The following ARMC10 variants were observed in gnomAD, a reference collection of about 807,000 sequenced individuals.
The protein encoded by ARMC10 is armadillo repeat-containing protein 10.
Under a neutral mutation model 30.2 loss-of-function variants are expected in ARMC10, and 23 were observed. The observed-to-expected ratio is 0.76, with a 90% CI of 0.55 to 1.08. ARMC10 has a LOEUF of 1.08. Ranked by LOEUF, ARMC10 falls within the 50% of genes least tolerant of loss-of-function variation. The pLI is 0.00. For missense variants in ARMC10, 303 were observed against 413.7 expected, an observed-to-expected ratio of 0.73 and a Z score of 2.32; for synonymous variants, 111 against 164.4, an observed-to-expected ratio of 0.68 and a Z score of 2.48.
chr7:103,091,957 AT>A (rs1801374352), intron 4 of ARMC10, among the ~76,000 whole-genome samples: 1 of 152,228 alleles, frequency 6.6e-6, no homozygotes, highest in Admixed American at 6.5e-5. Context: ...AGTGAGGAGT[AT>A]TTGTAAAATG....
chr7:103,076,990 A>G (rs1799932349), intron 2 of ARMC10, among the ~76,000 whole-genome samples: 1 of 152,110 alleles, frequency 6.6e-6, no homozygotes. Context: ...TGCAGCCTCC[A>G]CTTCCCTGGG....
At chr7:103,093,904 TTTTTG>T (rs1191562246) in intron 5 of ARMC10, among the ~76,000 whole-genome samples, 2 of 152,240 alleles carry the variant, frequency 1.3e-5, no homozygotes, top group African/African-American at 2.4e-5. Flanking sequence ...GTATGTTCTA[TTTTTG>T]TTTTGTTGTG....
chr7:103,079,584 T>C (rs961760482), intron 2 of ARMC10, among the ~76,000 whole-genome samples: 2 of 152,156 alleles, frequency 1.3e-5, no homozygotes, highest in East Asian at 1.9e-4. Context: ...TGCATAAATA[T>C]TGGAGGCAGA....
At chr7:103,095,963 T>C (rs867198822) in intron 5 of ARMC10, 10 of 151,736 alleles carry the variant, frequency 6.6e-5, no homozygotes, top group African/African-American at 2.4e-4. Context: ...AGGGATAGCA[T>C]TGGGAGATAT....
chr7:103,085,606 CTTTTTTTTTTTT>C (rs10581217), intron 3 of ARMC10, among the ~76,000 whole-genome samples: 1 of 130,586 alleles, frequency 7.7e-6, no homozygotes, highest in East Asian at 2.2e-4. Flanking sequence ...CATTTCTCTT[CTTTTTTTTTTTT>C]TTTTTTTTCT....
chr7:103,085,032 C>G (rs1240855797), intron 3 of ARMC10, among the ~76,000 whole-genome samples: 2 of 152,182 alleles, frequency 1.3e-5, no homozygotes, highest in Non-Finnish European at 2.9e-5. Context: ...GATGCCACAT[C>G]TGCCCCCGTG....
intron 4 of ARMC10, chr7:103,087,893 G>C: frequency 1.9e-6 from 1 of 525,958 alleles, no homozygotes; most frequent in Non-Finnish European, 2.4e-6. Context: ...AGCAAAAGCA[G>C]ACCATTCTTA....
chr7:103,096,977 T>A, intron 5 of ARMC10: 1 of 372,860 alleles, frequency 2.7e-6, no homozygotes. Flanking sequence ...TCTCTAAGAG[T>A]GGTACAAGAC....
intron 4 of ARMC10, among the ~76,000 whole-genome samples, chr7:103,090,107 A>C (rs1801184092): frequency 6.6e-6 from 1 of 152,200 alleles, no homozygotes; most frequent in South Asian, 2.1e-4. Context: ...AGAGAATTCC[A>C]AGAGAACAGA....
chr7:103,085,606 C>CTTCTTTTTTTTTTTTTTT (rs1563322299), intron 3 of ARMC10, among the ~76,000 whole-genome samples: 7 of 130,570 alleles, frequency 5.4e-5, no homozygotes, highest in Non-Finnish European at 8.3e-5. Flanking sequence ...CATTTCTCTT[C>CTTCTTTTTTTTTTTTTTT]TTTTTTTTTT....
intron 2 of ARMC10, chr7:103,083,138 T>C (rs1800539228): frequency 4.4e-6 from 2 of 456,604 alleles, no homozygotes; most frequent in Non-Finnish European, 8.8e-6. Flanking sequence ...TTGAGGTATA[T>C]AGTATTTGCA....
intron 2 of ARMC10, among the ~76,000 whole-genome samples, chr7:103,081,137 A>G (rs1486092449): frequency 6.6e-6 from 1 of 152,176 alleles, no homozygotes; most frequent in African/African-American, 2.4e-5. Context: ...AGATGAGTAA[A>G]CTGAGGCTGA....
At chr7:103,090,351 G>GA in intron 4 of ARMC10, among the ~76,000 whole-genome samples, 1 of 152,298 alleles carries the variant, frequency 6.6e-6, no homozygotes, top group East Asian at 1.9e-4. Context: ...TAACCAAAGA[G>GA]AACCAGTTGA....
intron 2 of ARMC10, 107 bp from the exon 3 acceptor site, chr7:103,083,575 A>G: frequency 3.1e-6 from 3 of 964,652 alleles, no homozygotes; most frequent in Non-Finnish European, 3.1e-6. Context: ...GTAGTGAGCC[A>G]TGATTGTGCC....
intron 4 of ARMC10, chr7:103,089,117 CA>C: frequency 5.2e-6 from 1 of 193,872 alleles, no homozygotes. Flanking sequence ...CAACTGTGCC[CA>C]AAACCTTTAA....
At position 103,098,648 on chromosome 7, in the gene ARMC10, A is replaced by C. The variant is rs1221071951; in HGVS notation, c.*95A>C. The C allele has an allele frequency of 3.2e-5, 47 of 1,490,972 alleles. No individual in the cohort carries two copies. Among genetic ancestry groups the C allele is most frequent in the African/African-American group, 7.0e-5 (5 of 71,130 alleles). 92.4% of individuals were successfully genotyped at this position (1,490,972 alleles called of 1,614,324 possible). A position where few individuals can be genotyped will look rare whatever the true frequency, so the allele number is the denominator to read the frequency against. On this transcript the variant is annotated 3_prime_UTR_variant, in exon 7 of 7. Transcript: ENST00000323716. ...ATTCTCCCAGCTGCTAAATTTAAACAGTAAATATCACATTTTGTCATTAAC... is the reference window on the plus strand; with the variant it reads ...ATTCTCCCAGCTGCTAAATTTAAACCGTAAATATCACATTTTGTCATTAAC...
At chr7:103,090,457 A>G (rs62482905) in intron 4 of ARMC10, among the ~76,000 whole-genome samples, 1,946 of 152,276 alleles carry the variant, frequency 0.013, 34 homozygotes, top group Non-Finnish European at 0.02. Flanking sequence ...CCAAGAGTTC[A>G]AGACCAGTCT....
rs751789372 is a variant in ARMC10 at position 103,086,844 on chromosome 7, T to TA, written c.528+81dup. 4.9e-5 allele frequency: 76 copies of TA among 1,558,070 alleles called. 1 individual carries two copies. Among genetic ancestry groups the TA allele is most frequent in the Admixed American group, 1.3e-4 (7 of 52,216 alleles). ...AAAAAGATGAGTAATGAAACTTTAG[T>TA]AGACTATCCTTTGTAATTTTACAGC... is the stretch of plus-strand genomic sequence containing the variant. On this transcript the variant is annotated intron_variant, in intron 4 of 6. Coordinates refer to ENST00000323716, the MANE Select transcript of ARMC10 (RefSeq NM_031905.5).
At chr7:103,077,554 C>T (rs1355100321) in intron 2 of ARMC10, among the ~76,000 whole-genome samples, 1 of 152,120 alleles carries the variant, frequency 6.6e-6, no homozygotes, top group Non-Finnish European at 1.5e-5. Context: ...CAGTCCTGCT[C>T]ATTAATCCAT....
Sources: gnomAD v4.1 joint callset for allele counts (sites outside exome capture counted in the v4.1 genomes callset) on GRCh38, gnomAD v4.1.1 for gene constraint, MANE v1.5 for transcripts, NCBI Gene and HGNC (gene_info 2026-07-23, HGNC 2026-07-21) for gene names.